Variants in DEGS1 observed in about 807,000 individuals in gnomAD.
DEGS1 encodes the protein delta 4-desaturase, sphingolipid 1.
DEGS1 carries 17 observed loss-of-function variants against 24.1 expected under a neutral mutation model. That is an observed-to-expected ratio of 0.70 (90% CI 0.48 to 1.06). DEGS1 has a LOEUF of 1.06. Among genes scored for constraint, DEGS1 ranks in the 50% least tolerant of loss-of-function variants. The pLI, the probability that DEGS1 is intolerant of heterozygous loss-of-function variation, is 0.00. For synonymous variants in DEGS1, 134 were observed against 140.0 expected (o/e 0.96, Z 0.30); for missense variants, 366 against 408.9 (o/e 0.90, Z 0.91).
Position 224,190,316 on chromosome 1 carries a change from A to T in DEGS1, c.822A>T (p.Pro274=), listed in dbSNP as rs777748398. 6.7e-7 allele frequency: 1 copy of T among 1,490,476 alleles called. No individual in the cohort carries two copies. Among genetic ancestry groups the T allele is most frequent in the South Asian group, 1.5e-5 (1 of 67,980 alleles). 92.3% of individuals were successfully genotyped at this position (1,490,476 alleles called of 1,614,324 possible). The change falls in exon 2 of 3, where the codon CCA becomes CCT. Residue 274 remains proline, a synonymous_variant. Coordinates refer to ENST00000323699, the MANE Select transcript of DEGS1 (RefSeq NM_003676.4). Reference sequence around the variant, plus strand: ...CCAACATTCCTGGAAAAAGTCTTCCACTGGTAAGTAAAGGATTTGATACAT... The same window carrying T: ...CCAACATTCCTGGAAAAAGTCTTCCTCTGGTAAGTAAAGGATTTGATACAT... ...DFPNIPGKSL[P]LVRKIAAEYY...
intron 1 of DEGS1, chr1:224,183,782 G>C (rs1324730656): frequency 5.8e-6 from 1 of 171,884 alleles, no homozygotes; most frequent in African/African-American, 2.4e-5. Flanking sequence ...TGTGCCCTCA[G>C]GTGGGCGCCC....
chr1:224,184,494 G>A (rs1414138485), intron 1 of DEGS1, among the ~76,000 whole-genome samples: 1 of 141,080 alleles, frequency 7.1e-6, no homozygotes, highest in Non-Finnish European at 1.6e-5. Flanking sequence ...GAGACTGCAC[G>A]TGTTTGTTTT....
At chr1:224,185,337 C>A (rs1658352795) in intron 1 of DEGS1, among the ~76,000 whole-genome samples, 4 of 152,116 alleles carry the variant, frequency 2.6e-5, no homozygotes, top group Admixed American at 2.6e-4. Context: ...TCCTCCTCCC[C>A]TACACTCCAT....
chr1:224,191,801 T>G (rs532240452), intron 2 of DEGS1, among the ~76,000 whole-genome samples: 90 of 152,040 alleles, frequency 5.9e-4, no homozygotes, highest in African/African-American at 2.0e-3. Flanking sequence ...TTCACCATAT[T>G]GGTTAGGCTG....
At chr1:224,192,189 TGC>T (rs1658554541) in intron 2 of DEGS1, 141 bp from the exon 3 acceptor site, 2 of 650,806 alleles carry the variant, frequency 3.1e-6, no homozygotes, top group Non-Finnish European at 5.0e-6. Flanking sequence ...CTGCTGCTGC[TGC>T]TTTTTTTTTT....
chr1:224,188,870 A>G (rs1658460834), intron 1 of DEGS1, among the ~76,000 whole-genome samples: 1 of 152,162 alleles, frequency 6.6e-6, no homozygotes, highest in African/African-American at 2.4e-5. Flanking sequence ...TACTTGTTAT[A>G]GTATCTAAGA....
intron 2 of DEGS1, among the ~76,000 whole-genome samples, chr1:224,190,878 A>G: frequency 6.6e-6 from 1 of 151,958 alleles, no homozygotes; most frequent in East Asian, 1.9e-4. Context: ...ACGTGCCACC[A>G]TGCCTGGCTA....
At chr1:224,183,467 C>T in intron 1 of DEGS1, 49 bp downstream of exon 1, 1 of 1,255,998 alleles carries the variant, frequency 8.0e-7, no homozygotes. Flanking sequence ...CCTCCCGGCG[C>T]CGGGGCGCGC....
At position 224,183,436 on chromosome 1, in the gene DEGS1, C is replaced by G; in HGVS notation, c.82+18C>G. On this transcript the variant is annotated intron_variant, in intron 1 of 2. Transcript: ENST00000323699. Reference sequence around the variant, plus strand: ...GATCCTGGGTGAGGGCCAGCGGGCGCCCCGTTATGTGCGTGCGTGGCCTCC... The same window carrying G: ...GATCCTGGGTGAGGGCCAGCGGGCGGCCCGTTATGTGCGTGCGTGGCCTCC... 7.3e-7 allele frequency: 1 copy of G among 1,378,504 alleles called. No individual in the cohort carries two copies. Among genetic ancestry groups the G allele is most frequent in the South Asian group, 1.7e-5 (1 of 57,490 alleles). The allele number at this position is 1,378,504 out of a possible 1,614,324, so 85.4% of individuals were successfully genotyped here. A position where few individuals can be genotyped will look rare whatever the true frequency, so the allele number is the denominator to read the frequency against.
chr1:224,191,449 T>G (rs1658533794), intron 2 of DEGS1, among the ~76,000 whole-genome samples: 1 of 151,940 alleles, frequency 6.6e-6, no homozygotes, highest in African/African-American at 2.4e-5. Context: ...CTCAAATTCC[T>G]GGGCTCAAGT....
chr1:224,190,003 A>T lies in DEGS1; in HGVS notation c.509A>T (p.Tyr170Phe), dbSNP rs1184422181. ...FIWVILQPLFYAFRPLFINPK... is the reference protein window; with the variant it reads ...FIWVILQPLFFAFRPLFINPK... ...TGGGTTATTCTTCAGCCTCTCTTTT[A>T]TGCCTTTCGACCTCTGTTCATCAAC... Residue 170 changes from tyrosine to phenylalanine, a missense_variant, in exon 2 of 3, where the codon TAT (tyrosine) becomes TTT (phenylalanine). Coordinates refer to ENST00000323699, the MANE Select transcript of DEGS1 (RefSeq NM_003676.4). The T allele has an allele frequency of 1.9e-6, 3 of 1,614,198 alleles. No individual in the cohort carries two copies. In the South Asian group the frequency reaches 3.3e-5, roughly 18 times the overall value.
intron 1 of DEGS1, among the ~76,000 whole-genome samples, chr1:224,184,992 C>T (rs1281272988): frequency 1.9e-5 from 2 of 105,894 alleles, no homozygotes; most frequent in South Asian, 3.3e-4. Context: ...CACACACACA[C>T]ACACACACAC....
rs1382083552 is a variant in DEGS1 at position 224,189,814 on chromosome 1, G to A, written c.320G>A (p.Trp107Ter). ...AACTGCAAAGCAATGTGGAATCGCT[G>A]GTTTGGAATGTTTGCTAATCTTCCT... ...FGNCKAMWNR[W>*]FGMFANLPIG... The change falls in exon 2 of 3, where the codon TGG becomes TAG. Residue 107 changes from tryptophan (W) to a stop codon, truncating the protein, a stop_gained. Transcript: ENST00000323699. LOFTEE classifies it high-confidence loss of function. 6.2e-7 allele frequency: 1 copy of A among 1,614,148 alleles called. No individual in the cohort carries two copies. The highest frequency in any genetic ancestry group is 1.1e-5 in the South Asian group (1 of 91,082).
At chr1:224,186,573 C>T (rs906471251) in intron 1 of DEGS1, among the ~76,000 whole-genome samples, 3 of 151,940 alleles carry the variant, frequency 2.0e-5, no homozygotes, top group Non-Finnish European at 2.9e-5. Context: ...ATTAGCCGGG[C>T]GTGGCGGCAG....
At chr1:224,186,039 G>A (rs911469525) in intron 1 of DEGS1, among the ~76,000 whole-genome samples, 3 of 151,990 alleles carry the variant, frequency 2.0e-5, no homozygotes, top group African/African-American at 4.8e-5. Flanking sequence ...TTAGCTAGGC[G>A]TGCATGCCTG....
chr1:224,184,586 G>C (rs1255127373), intron 1 of DEGS1, among the ~76,000 whole-genome samples: 1 of 151,940 alleles, frequency 6.6e-6, no homozygotes, highest in Non-Finnish European at 1.5e-5. Flanking sequence ...ATCTCCACTC[G>C]CTGCAACCTC....
Position 224,192,414 on chromosome 1 carries a change from A to T in DEGS1, c.908A>T (p.Asp303Val), listed in dbSNP as rs1408690879. 13 of 1,613,570 alleles carry T rather than the reference A, an allele frequency of 8.1e-6. No homozygotes were observed. The highest frequency in any genetic ancestry group is 1.1e-5 in the Non-Finnish European group (13 of 1,179,750). ...WIKVLYDFVM[D>V]DTISPYSRMK... ...AAAGTACTGTATGATTTTGTGATGG[A>T]TGATACAATAAGTCCCTACTCAAGA... Residue 303 changes from aspartate to valine, a missense_variant, in exon 3 of 3, where the codon GAT becomes GTT. Transcript: ENST00000323699.
In DEGS1 at chr1:224,193,311, ATATATTTCCCTGTAAGCTGAAT is replaced by A. The variant is rs1243914261; in HGVS notation, c.*836_*857del. 4.6e-5 allele frequency: 7 copies of A among 152,338 alleles called. No individual in the cohort carries two copies. The East Asian group carries it at 1.2e-3, about 25-fold the overall frequency. 9.4% of individuals were successfully genotyped at this position (152,338 alleles called of 1,614,324 possible). A position where few individuals can be genotyped will look rare whatever the true frequency, so the allele number is the denominator to read the frequency against. On this transcript the variant is annotated 3_prime_UTR_variant, in exon 3 of 3. Coordinates refer to ENST00000323699, the MANE Select transcript of DEGS1 (RefSeq NM_003676.4). Reference sequence around the variant, plus strand: ...TATAGCATAAAAGATTGAGATGAAAATATATTTCCCTGTAAGCTGAATTACTCATTTAAAAATTTTAACTTCT... The same window carrying A: ...TATAGCATAAAAGATTGAGATGAAAATACTCATTTAAAAATTTTAACTTCT...
At chr1:224,186,712 C>CAAAAAA (rs34809195) in intron 1 of DEGS1, among the ~76,000 whole-genome samples, 1 of 79,874 alleles carries the variant, frequency 1.3e-5, no homozygotes, top group Non-Finnish European at 2.4e-5. Context: ...GCCTCCGTCT[C>CAAAAAA]AAAAAAAAAA....
Sources: allele counts gnomAD v4.1 joint callset (sites outside exome capture counted in the v4.1 genomes callset), GRCh38; gene constraint gnomAD v4.1.1; transcripts MANE v1.5; gene names NCBI Gene and HGNC (gene_info 2026-07-23, HGNC 2026-07-21).